The following ZNF69 variants were observed in gnomAD, a reference collection of about 807,000 sequenced individuals.
The protein encoded by ZNF69 is ZNF3.
A neutral mutation model predicts 50.9 loss-of-function variants in ZNF69; 47 were observed. The ratio of observed to expected loss-of-function variants is 0.92; its 90% CI spans 0.73 to 1.18. ZNF69 has a LOEUF of 1.18. Among genes scored for constraint, ZNF69 ranks in the 50% most tolerant of loss-of-function variants. The probability of loss-of-function intolerance (pLI) is 0.00; values close to 1 mark genes in which losing one functional copy is unlikely to be tolerated. For synonymous variants in ZNF69, 216 were observed against 223.1 expected (o/e 0.97, Z 0.29); for missense variants, 717 against 675.1 (o/e 1.06, Z -0.69).
At chr19:11,954,664 CTACAAAAAA>C in the ZNF69 span, among the ~76,000 whole-genome samples, 1 of 152,100 alleles carries the variant, frequency 6.6e-6, no homozygotes, top group African/African-American at 2.4e-5. Context: ...TTCCCTCTCT[CTACAAAAAA>C]TACAAAAAAT....
chr19:11,974,106 TTTCTTTCTTTCTTTCTTTCTTTTCTTTC>T, the ZNF69 span, among the ~76,000 whole-genome samples: 69 of 102,350 alleles, frequency 6.7e-4, no homozygotes, highest in Admixed American at 5.1e-3. Context: ...TCTTTCTTTC[TTTCTTTCTTTCTTTCTTTCTTTTCTTTC>T]TTTCTTTCTT....
At chr19:11,936,718 T>C in the ZNF69 span, among the ~76,000 whole-genome samples, 1 of 152,212 alleles carries the variant, frequency 6.6e-6, no homozygotes, top group African/African-American at 2.4e-5. Flanking sequence ...CAATTTTGGC[T>C]TCTGTTGCCA....
At chr19:11,965,256 C>T in the ZNF69 span, 3 of 1,613,098 alleles carry the variant, frequency 1.9e-6, no homozygotes, top group Non-Finnish European at 8.5e-7. Context: ...TAGAGGCTGC[C>T]TGGAACCGGC....
At chr19:11,901,785 C>T (rs1050359587) in intron 1 of ZNF69, among the ~76,000 whole-genome samples, 8 of 151,056 alleles carry the variant, frequency 5.3e-5, no homozygotes, top group African/African-American at 1.9e-4. Flanking sequence ...TGCCTGGCTG[C>T]TACCATGATT....
chr19:11,945,964 T>C, the ZNF69 span, among the ~76,000 whole-genome samples: 255 of 152,230 alleles, frequency 1.7e-3, 3 homozygotes, highest in African/African-American at 5.8e-3. Context: ...ATCAATAGTC[T>C]TTTTGGATAA....
intron 1 of ZNF69, among the ~76,000 whole-genome samples, chr19:11,903,183 C>T (rs1160711071): frequency 1.3e-5 from 2 of 151,960 alleles, no homozygotes; most frequent in Non-Finnish European, 2.9e-5. Context: ...GCCTGTAATC[C>T]CAGCACTTTG....
intron 1 of ZNF69, among the ~76,000 whole-genome samples, chr19:11,897,882 AAAAAG>A (rs941913644): frequency 3.3e-5 from 5 of 151,686 alleles, no homozygotes; most frequent in African/African-American, 1.2e-4. Context: ...AAAAAAAAAA[AAAAAG>A]AAAAGAAAAG....
rs143291726 is a variant in ZNF69 at position 11,904,880 on chromosome 19, G to A, written c.483G>A (p.Pro161=). The part of the protein sequence containing the change: ...HKAYEYQEYG[P]KPCKCQQPKK... ...CCTATGAGTATCAGGAATATGGACC[G>A]AAGCCATGTAAGTGTCAACAACCTA... Residue 161 remains proline, a synonymous_variant, in exon 4 of 4, where the codon CCG becomes CCA. Transcript: ENST00000429654. 8.1e-5 allele frequency: 131 copies of A among 1,614,118 alleles called. No individual in the cohort carries two copies. In the African/African-American group the frequency reaches 8.5e-4, roughly 11 times the overall value.
At chr19:11,896,899 G>T (rs1055981146) in intron 1 of ZNF69, among the ~76,000 whole-genome samples, 3 of 152,112 alleles carry the variant, frequency 2.0e-5, no homozygotes, top group Non-Finnish European at 4.4e-5. Context: ...TTTCAGAAAC[G>T]TTACATCATA....
chr19:11,903,992 G>C, intron 3 of ZNF69, 27 bp downstream of exon 3: 8 of 1,607,298 alleles, frequency 5.0e-6, no homozygotes, highest in Non-Finnish European at 6.8e-6. Flanking sequence ...AGACAAAGCA[G>C]TGTCTCTCTA....
chr19:11,896,217 TAAAAAAAAAAAAAAAAAA>T (rs138289885), intron 1 of ZNF69, among the ~76,000 whole-genome samples: 6 of 63,860 alleles, frequency 9.4e-5, no homozygotes, highest in Non-Finnish European at 1.4e-4. Flanking sequence ...GAAACTCCAT[TAAAAAAAAAAAAAAAAAA>T]AAAAAAAAAG....
chr19:11,913,234 A>T (rs1972483551), intron 4 of ZNF69, among the ~76,000 whole-genome samples: 1 of 151,964 alleles, frequency 6.6e-6, no homozygotes, highest in African/African-American at 2.4e-5. Flanking sequence ...CATTGGTGTC[A>T]TGTATTAGAT....
Position 11,887,952 on chromosome 19 carries a change from G to A in ZNF69, c.29G>A (p.Arg10Lys). 6.2e-7 allele frequency: 1 copy of A among 1,612,748 alleles called. No homozygotes were observed. The change falls in exon 1 of 4, where the codon AGA becomes AAA. Residue 10 changes from arginine to lysine, a missense_variant. Arg to Lys is a conservative substitution (Grantham distance 26). Coordinates refer to ENST00000429654, the MANE Select transcript of ZNF69 (RefSeq NM_001364730.1). Reference protein sequence around the residue: MPCCSHRRCREDPGTSESQE... With the variant: MPCCSHRRCKEDPGTSESQE... ...CCCTGCTGTAGTCACAGGAGGTGTA[G>A]AGAGGACCCCGGGACATCTGAAAGC...
At chr19:11,969,445 CTAGTTATG>C in the ZNF69 span, among the ~76,000 whole-genome samples, 2,780 of 152,216 alleles carry the variant, frequency 0.018, 61 homozygotes, top group African/African-American at 0.055. Flanking sequence ...TAGAAAATTT[CTAGTTATG>C]TAATCAGCGG....
rs1177948031 is a variant in ZNF69, at chr19:11,887,852, G to A, written c.-72G>A. 30 of 1,429,734 alleles carry A rather than the reference G, an allele frequency of 2.1e-5. No homozygotes were observed. Among genetic ancestry groups the A allele is most frequent in the Non-Finnish European group, 2.9e-5 (30 of 1,025,968 alleles). 88.6% of individuals were successfully genotyped at this position (1,429,734 alleles called of 1,614,324 possible). On this transcript the variant is annotated 5_prime_UTR_variant, in exon 1 of 4. Transcript: ENST00000429654. ...TTGTCCCTGCGCGGGCTGCGGCTGG[G>A]ATCCGGTCTTTCCAGCCCCGAGAGG...
the ZNF69 span, among the ~76,000 whole-genome samples, chr19:11,935,254 TG>T: frequency 9.0e-4 from 114 of 127,290 alleles, no homozygotes; most frequent in African/African-American, 4.1e-3. Flanking sequence ...TTTTTTTTTT[TG>T]AGACTGTGTC....
chr19:11,898,459 C>T (rs1411070798), intron 1 of ZNF69, among the ~76,000 whole-genome samples: 7 of 144,250 alleles, frequency 4.9e-5, no homozygotes, highest in African/African-American at 1.3e-4. Context: ...GGCATGATCT[C>T]GGCTCACAGC....
At chr19:11,962,461 A>AG in the ZNF69 span, among the ~76,000 whole-genome samples, 2 of 152,166 alleles carry the variant, frequency 1.3e-5, no homozygotes, top group African/African-American at 4.8e-5. Flanking sequence ...CCTGGGCTCA[A>AG]GGGATCCTCC....
At chr19:11,921,300 G>T in the ZNF69 span, among the ~76,000 whole-genome samples, 1 of 151,934 alleles carries the variant, frequency 6.6e-6, no homozygotes, top group East Asian at 1.9e-4. Context: ...CTCCCAAGTA[G>T]CTGGGAATAA....
Sources: allele counts gnomAD v4.1 joint callset (sites outside exome capture counted in the v4.1 genomes callset), GRCh38; gene constraint gnomAD v4.1.1; transcripts MANE v1.5; gene names NCBI Gene and HGNC (gene_info 2026-07-23, HGNC 2026-07-21).